The following PVALB variants were observed in gnomAD, a reference collection of about 807,000 sequenced individuals.
PVALB encodes parvalbumin.
A neutral mutation model predicts 10.9 loss-of-function variants in PVALB; 11 were observed. The observed-to-expected ratio is 1.01, with a 90% CI of 0.63 to 1.67. The LOEUF is 1.67. PVALB is among the 40% of genes most tolerant of loss of function. PVALB has a pLI of 0.00. For missense variants in PVALB, 131 were observed against 136.2 expected (o/e 0.96, Z 0.19); for synonymous variants, 57 against 50.7 (o/e 1.12, Z -0.53).
At chr22:36,807,322 G>C (rs550151563) in intron 3 of PVALB, among the ~76,000 whole-genome samples, 4 of 152,196 alleles carry the variant, frequency 2.6e-5, no homozygotes, top group African/African-American at 9.6e-5. Flanking sequence ...CTGGTACCAG[G>C]GTGCAATGAG....
At chr22:36,819,494 G>T (rs934575044), upstream of PVALB, 4 of 152,352 alleles carry the variant, frequency 2.6e-5, no homozygotes, top group Admixed American at 6.5e-5. Context: ...AGTCCTGTCG[G>T]GAAGTGAGCC....
chr22:36,803,964 G>C (rs377130340), intron 3 of PVALB, among the ~76,000 whole-genome samples: 1 of 152,200 alleles, frequency 6.6e-6, no homozygotes, highest in Non-Finnish European at 1.5e-5. Flanking sequence ...TAGTGTCCCA[G>C]CTCAGGCAGA....
intron 3 of PVALB, among the ~76,000 whole-genome samples, chr22:36,810,653 C>T (rs1303798625): frequency 6.6e-6 from 1 of 152,242 alleles, no homozygotes; most frequent in African/African-American, 2.4e-5. Context: ...CTTTCTACAT[C>T]TGCACTTATG....
chr22:36,811,982 C>T lies in PVALB; in HGVS notation c.304+1664G>A, dbSNP rs560347845. Among the ~76,000 whole-genome samples, 20 of 152,240 alleles carry T rather than the reference C, an allele frequency of 1.3e-4. No individual in the cohort carries two copies. In the South Asian group the frequency reaches 3.9e-3, roughly 30 times the overall value. On this transcript the variant is annotated intron_variant, in intron 3 of 3. Coordinates refer to ENST00000417718, the MANE Select transcript of PVALB (RefSeq NM_001315532.2). ...GACCTGGATAGGGATTCTCCATTCTCGTTACTGGCAGGAAACAAACAAACA... is the reference window on the plus strand; with the variant it reads ...GACCTGGATAGGGATTCTCCATTCTTGTTACTGGCAGGAAACAAACAAACA...
intron 3 of PVALB, among the ~76,000 whole-genome samples, chr22:36,813,241 G>A (rs55711889): frequency 5.6e-4 from 85 of 152,166 alleles, no homozygotes; most frequent in South Asian, 1.7e-3. Context: ...GGGATTAGTC[G>A]GCCTCATTTC....
chr22:36,809,855 G>T (rs866780722), intron 3 of PVALB, among the ~76,000 whole-genome samples: 63 of 122,068 alleles, frequency 5.2e-4, no homozygotes, highest in Middle Eastern at 8.6e-3. Flanking sequence ...CATGTCCCAT[G>T]TTTTTTTTTT....
chr22:36,810,043 C>T (rs1939022211), intron 3 of PVALB, among the ~76,000 whole-genome samples: 1 of 152,018 alleles, frequency 6.6e-6, no homozygotes, highest in Non-Finnish European at 1.5e-5. Flanking sequence ...TGCCACCACG[C>T]CTGGCTAATT....
intron 3 of PVALB, among the ~76,000 whole-genome samples, chr22:36,803,446 C>T (rs1938900118): frequency 6.6e-6 from 1 of 152,142 alleles, no homozygotes; most frequent in African/African-American, 2.4e-5. Flanking sequence ...TCACTGTTCT[C>T]CTGGCAGCCA....
intron 3 of PVALB, among the ~76,000 whole-genome samples, chr22:36,807,921 G>C (rs1465251479): frequency 2.6e-5 from 4 of 152,188 alleles, no homozygotes; most frequent in African/African-American, 4.8e-5. Flanking sequence ...GCAAGGGGTG[G>C]GGGGGTTGCA....
intron 3 of PVALB, among the ~76,000 whole-genome samples, chr22:36,810,829 T>C (rs1187258323): frequency 6.6e-6 from 1 of 152,248 alleles, no homozygotes; most frequent in Non-Finnish European, 1.5e-5. Flanking sequence ...TGCCAATACC[T>C]TGCCTGGACC....
At chr22:36,808,344 C>T (rs59678193) in intron 3 of PVALB, among the ~76,000 whole-genome samples, 2,981 of 152,048 alleles carry the variant, frequency 0.02, 107 homozygotes, top group African/African-American at 0.069. Flanking sequence ...ACACACTCTG[C>T]GGGGGCAGGC....
chr22:36,807,015 A>G (rs1409213401), intron 3 of PVALB, among the ~76,000 whole-genome samples: 3 of 152,198 alleles, frequency 2.0e-5, no homozygotes, highest in Admixed American at 6.5e-5. Flanking sequence ...CCCTTTCACA[A>G]GAGGCCAGTT....
intron 3 of PVALB, among the ~76,000 whole-genome samples, chr22:36,803,769 A>T (rs1938909714): frequency 6.6e-6 from 1 of 152,134 alleles, no homozygotes; most frequent in Admixed American, 6.5e-5. Flanking sequence ...GGGATCAACA[A>T]GTTCTGACTT....
intron 3 of PVALB, among the ~76,000 whole-genome samples, chr22:36,811,073 C>T (rs964515443): frequency 9.9e-5 from 15 of 152,106 alleles, no homozygotes; most frequent in Middle Eastern, 3.2e-3. Flanking sequence ...GTCAGGAGTT[C>T]GAGACCAGCC....
intron 3 of PVALB, among the ~76,000 whole-genome samples, chr22:36,801,537 C>G (rs763426783): frequency 6.6e-6 from 1 of 152,176 alleles, no homozygotes; most frequent in Admixed American, 6.5e-5. Context: ...CAGTGGCTCA[C>G]GCGTGTAATC....
rs371491934 is a variant in PVALB at position 36,813,711 on chromosome 22, G to A, written c.239C>T (p.Ala80Val). Residue 80 changes from alanine to valine, a missense_variant, in exon 3 of 4, where the codon GCT (alanine) becomes GTT (valine). Coordinates refer to ENST00000417718, the MANE Select transcript of PVALB (RefSeq NM_001315532.2). ...GFSPDARDLS[A>V]KETKMLMAAG... ...AGCCATCAGCATCTTGGTTTCTTTAGCAGACAGGTCTCTGGCATCTGGGGA... is the reference window on the plus strand; with the variant it reads ...AGCCATCAGCATCTTGGTTTCTTTAACAGACAGGTCTCTGGCATCTGGGGA... The A allele has an allele frequency of 1.2e-5, 20 of 1,613,984 alleles. No homozygotes were observed. The African/African-American group carries it at 2.4e-4, about 19-fold the overall frequency.
At chr22:36,805,388 T>G (rs1322881376) in intron 3 of PVALB, among the ~76,000 whole-genome samples, 1 of 152,198 alleles carries the variant, frequency 6.6e-6, no homozygotes, top group Non-Finnish European at 1.5e-5. Context: ...AAGGTGTTTC[T>G]GTACTTCAAG....
At chr22:36,815,387 C>A in intron 1 of PVALB, 152 bp from the exon 2 acceptor site, 1 of 1,066,704 alleles carries the variant, frequency 9.4e-7, no homozygotes. Context: ...GCTGAGGGAG[C>A]CCGGGCAAGG....
intron 3 of PVALB, among the ~76,000 whole-genome samples, chr22:36,812,864 C>A (rs1939067933): frequency 6.6e-6 from 1 of 152,218 alleles, no homozygotes; most frequent in African/African-American, 2.4e-5. Flanking sequence ...TGCCCACCTG[C>A]AAAATGGAGA....
Sources: allele counts gnomAD v4.1 joint callset (sites outside exome capture counted in the v4.1 genomes callset), GRCh38; gene constraint gnomAD v4.1.1; transcripts MANE v1.5; gene names NCBI Gene and HGNC (gene_info 2026-07-23, HGNC 2026-07-21).